Variants in MTMR7 observed in about 807,000 individuals in gnomAD.
MTMR7 encodes phosphatidylinositol-3-phosphate phosphatase MTMR7.
A neutral mutation model predicts 81.2 loss-of-function variants in MTMR7; 76 were observed. That is an observed-to-expected ratio of 0.94 (90% CI 0.78 to 1.13). The LOEUF (loss-of-function observed/expected upper bound fraction) is 1.13, where lower values mean the gene tolerates loss of function less well. Ranked by LOEUF, MTMR7 falls within the 50% of genes most tolerant of loss-of-function variation. The pLI is 0.00. For missense variants in MTMR7, 1,044 were observed against 820.0 expected, an observed-to-expected ratio of 1.27 and a Z score of -3.34; for synonymous variants, 372 against 289.8, an observed-to-expected ratio of 1.28 and a Z score of -2.88.
chr8:17,378,594 G>C (rs1193024468), intron 1 of MTMR7, among the ~76,000 whole-genome samples: 1 of 152,168 alleles, frequency 6.6e-6, no homozygotes, highest in African/African-American at 2.4e-5. Context: ...CAAAATTGTT[G>C]CAACTCATTT....
chr8:17,302,956 C>G (rs1817225099), intron 12 of MTMR7, among the ~76,000 whole-genome samples: 1 of 151,980 alleles, frequency 6.6e-6, no homozygotes, highest in African/African-American at 2.4e-5. Context: ...GGTGATCCAC[C>G]CACCTCAGCC....
At chr8:17,311,400 A>G (rs1043098362) in intron 9 of MTMR7, 111 bp downstream of exon 9, 4 of 1,440,808 alleles carry the variant, frequency 2.8e-6, no homozygotes, top group African/African-American at 2.8e-5. Context: ...CTGAGCTACT[A>G]AAAGAAAAAT....
At chr8:17,370,037 T>C (rs1322040148) in intron 3 of MTMR7, among the ~76,000 whole-genome samples, 2 of 151,898 alleles carry the variant, frequency 1.3e-5, no homozygotes, top group African/African-American at 4.8e-5. Context: ...CAGTAAGCTA[T>C]AAATCCGAAG....
chr8:17,341,595 T>C (rs1489192411), intron 5 of MTMR7, 98 bp from the exon 6 acceptor site: 1 of 1,414,306 alleles, frequency 7.1e-7, no homozygotes, highest in Non-Finnish European at 9.5e-7. Context: ...CTTGGCTCAC[T>C]GATAGTCCAC....
chr8:17,318,252 G>C (rs1487464658), intron 7 of MTMR7, among the ~76,000 whole-genome samples: 1 of 151,900 alleles, frequency 6.6e-6, no homozygotes, highest in Non-Finnish European at 1.5e-5. Flanking sequence ...ATCATGCTCG[G>C]GCTGGGAATC....
intron 1 of MTMR7, among the ~76,000 whole-genome samples, chr8:17,403,413 C>A (rs1331671102): frequency 6.6e-6 from 1 of 152,094 alleles, no homozygotes; most frequent in African/African-American, 2.4e-5. Context: ...TTCTGGGTTT[C>A]TTTTTCTGTT....
chr8:17,409,136 G>T (rs1249955460), intron 1 of MTMR7, among the ~76,000 whole-genome samples: 1 of 152,052 alleles, frequency 6.6e-6, no homozygotes, highest in Non-Finnish European at 1.5e-5. Context: ...TGCACAAGAG[G>T]CCTGGATTAA....
chr8:17,358,576 T>C (rs1194101262), intron 4 of MTMR7, among the ~76,000 whole-genome samples: 1 of 152,124 alleles, frequency 6.6e-6, no homozygotes, highest in Admixed American at 6.5e-5. Context: ...TTTTCCAGAC[T>C]CAAAATACTT....
At chr8:17,311,471 A>C (rs1222144793) in intron 9 of MTMR7, 40 bp downstream of exon 9, 1 of 1,613,166 alleles carries the variant, frequency 6.2e-7, no homozygotes, top group Admixed American at 1.7e-5. Flanking sequence ...ATTCCTGGTC[A>C]AGGCACCGCC....
At position 17,325,968 on chromosome 8, in the gene MTMR7, G is replaced by C. The variant is rs148520225; in HGVS notation, c.865+5182C>G. On this transcript the variant is annotated intron_variant, in intron 7 of 13. Coordinates refer to ENST00000180173, the MANE Select transcript of MTMR7 (RefSeq NM_004686.5). Reference sequence around the variant, plus strand: ...AAGCATACCCACCTTACACTGGAAAGCACTTTATAGTTTGCAAGAAATCCT... The same window carrying C: ...AAGCATACCCACCTTACACTGGAAACCACTTTATAGTTTGCAAGAAATCCT... 1.2e-4 allele frequency among the ~76,000 whole-genome samples: 19 copies of C among 152,328 alleles called. No individual in the cohort carries two copies. The East Asian group carries it at 2.7e-3, about 22-fold the overall frequency.
chr8:17,359,584 T>TAAAAAA (rs11400421), intron 4 of MTMR7, among the ~76,000 whole-genome samples: 12,829 of 135,052 alleles, frequency 0.095, 930 homozygotes, highest in East Asian at 0.25. Flanking sequence ...CCTGTTTCCT[T>TAAAAAA]AAAAAAAAAA....
chr8:17,359,764 C>T (rs2150555948), intron 4 of MTMR7, among the ~76,000 whole-genome samples: 1 of 152,164 alleles, frequency 6.6e-6, no homozygotes, highest in East Asian at 1.9e-4. Flanking sequence ...AATAAGAAAT[C>T]ACTCATTATA....
chr8:17,378,716 C>T (rs139403191), intron 1 of MTMR7, among the ~76,000 whole-genome samples: 1,664 of 152,302 alleles, frequency 0.011, 13 homozygotes, highest in Middle Eastern at 0.041. Flanking sequence ...CTTGGATGTA[C>T]ATTTTTTACA....
intron 3 of MTMR7, among the ~76,000 whole-genome samples, chr8:17,363,865 T>C (rs984948894): frequency 1.3e-5 from 2 of 150,020 alleles, no homozygotes; most frequent in African/African-American, 4.9e-5. Flanking sequence ...TTTTACCAAA[T>C]ATTTAGCAGA....
At chr8:17,384,152 C>T (rs1427358742) in intron 1 of MTMR7, among the ~76,000 whole-genome samples, 1 of 152,078 alleles carries the variant, frequency 6.6e-6, no homozygotes, top group Non-Finnish European at 1.5e-5. Context: ...GGCTCATACC[C>T]ATAATCCCAG....
At chr8:17,403,883 G>T (rs1336745574) in intron 1 of MTMR7, among the ~76,000 whole-genome samples, 1 of 152,080 alleles carries the variant, frequency 6.6e-6, no homozygotes, top group Admixed American at 6.5e-5. Flanking sequence ...GTTCACTGTT[G>T]GCATACATGA....
At chr8:17,309,752 A>G (rs1246408386) in intron 9 of MTMR7, among the ~76,000 whole-genome samples, 7 of 152,286 alleles carry the variant, frequency 4.6e-5, no homozygotes, top group Non-Finnish European at 8.8e-5. Flanking sequence ...TTCAAACCCT[A>G]TCTCAACCAA....
In MTMR7 at chr8:17,297,443, A is replaced by G. The variant is rs1816757068; in HGVS notation, c.*2419T>C. On this transcript the variant is annotated 3_prime_UTR_variant, in exon 14 of 14. Coordinates refer to ENST00000180173, the MANE Select transcript of MTMR7 (RefSeq NM_004686.5). ...CATTTTTAGGAGAAGAAAGTAAACT[A>G]ATGTGCTCTTAAAGAATAAAAATTT... 6.6e-6 allele frequency: 1 copy of G among 151,172 alleles called. No individual in the cohort carries two copies. Among genetic ancestry groups the G allele is most frequent in the Non-Finnish European group, 1.5e-5 (1 of 67,410 alleles). 9.4% of individuals were successfully genotyped at this position (151,172 alleles called of 1,614,324 possible). A position where few individuals can be genotyped will look rare whatever the true frequency, so the allele number is the denominator to read the frequency against.
Position 17,299,711 on chromosome 8 carries a change from G to C in MTMR7, c.*151C>G, listed in dbSNP as rs1297838045. ...TCCTCTTCAGTATCTAAGAAATCAAGAACTGGGCACTTTTTTCCCTTTTCA... is the reference window on the plus strand; with the variant it reads ...TCCTCTTCAGTATCTAAGAAATCAACAACTGGGCACTTTTTTCCCTTTTCA... On this transcript the variant is annotated 3_prime_UTR_variant, in exon 14 of 14. Transcript: ENST00000180173. 2.9e-5 allele frequency: 30 copies of C among 1,035,524 alleles called. No homozygotes were observed. The highest frequency in any genetic ancestry group is 3.3e-5 in the Non-Finnish European group (24 of 719,102). 64.1% of individuals were successfully genotyped at this position (1,035,524 alleles called of 1,614,324 possible).
Sources: allele counts gnomAD v4.1 joint callset (sites outside exome capture counted in the v4.1 genomes callset), GRCh38; gene constraint gnomAD v4.1.1; transcripts MANE v1.5; gene names NCBI Gene and HGNC (gene_info 2026-07-23, HGNC 2026-07-21).